OSBPL9: variants seen among roughly 807,000 people sequenced by gnomAD.
OSBPL9 encodes the protein oxysterol binding protein like 9, also known as oxysterol-binding protein-related protein 9.
In OSBPL9, 40 loss-of-function variants were observed where a neutral mutation model predicts 106.6. That is an observed-to-expected ratio of 0.38 (90% CI 0.29 to 0.49). The LOEUF (loss-of-function observed/expected upper bound fraction) is 0.49, where lower values mean the gene tolerates loss of function less well. Among genes scored for constraint, OSBPL9 ranks in the 20% least tolerant of loss-of-function variants. The probability of loss-of-function intolerance (pLI) is 0.97; values close to 1 mark genes in which losing one functional copy is unlikely to be tolerated. For missense variants in OSBPL9, 609 were observed against 887.2 expected (o/e 0.69, Z 3.98); for synonymous variants, 269 against 295.4 (o/e 0.91, Z 0.92).
the OSBPL9 span, among the ~76,000 whole-genome samples, chr1:51,552,735 C>G: frequency 6.6e-6 from 1 of 152,002 alleles, no homozygotes; most frequent in East Asian, 1.9e-4. Context: ...AGTGATTCTC[C>G]TGTCTCAGCC....
rs1297704024 is a variant in OSBPL9 at position 51,748,458 on chromosome 1, TC to T, written c.492+61del. On this transcript the variant is annotated intron_variant, in intron 7 of 23. Transcript: ENST00000428468. ...TTAGAAAATGTTTTAAAAAGTTATTTCTATTTTAAGCTGCCACTATTGATGA... is the reference window on the plus strand; with the variant it reads ...TTAGAAAATGTTTTAAAAAGTTATTTTATTTTAAGCTGCCACTATTGATGA... 5 of 1,405,226 alleles carry T rather than the reference TC, an allele frequency of 3.6e-6. No individual in the cohort carries two copies. The East Asian group carries it at 1.4e-4, about 39-fold the overall frequency. 87.0% of individuals were successfully genotyped at this position (1,405,226 alleles called of 1,614,324 possible).
chr1:51,703,442 T>C (rs180764757), intron 3 of OSBPL9, among the ~76,000 whole-genome samples: 2 of 152,326 alleles, frequency 1.3e-5, no homozygotes, highest in East Asian at 3.9e-4. Flanking sequence ...GGCTCTTTGT[T>C]TGTCTGTTAT....
At chr1:51,717,320 A>G (rs1162123707) in intron 4 of OSBPL9, among the ~76,000 whole-genome samples, 3 of 152,106 alleles carry the variant, frequency 2.0e-5, no homozygotes, top group Non-Finnish European at 4.4e-5. Context: ...ACTCCACTCC[A>G]TTGGTCTTGT....
At chr1:51,784,107 A>G (rs1436713119) in intron 18 of OSBPL9, 82 bp downstream of exon 18, 1 of 1,427,082 alleles carries the variant, frequency 7.0e-7, no homozygotes, top group Admixed American at 1.7e-5. Flanking sequence ...ATTGTTAGCA[A>G]CTAAGCATTG....
chr1:51,730,547 T>G (rs1664153773), intron 4 of OSBPL9, among the ~76,000 whole-genome samples: 2 of 152,170 alleles, frequency 1.3e-5, no homozygotes, highest in Non-Finnish European at 2.9e-5. Flanking sequence ...TTACGCTTTT[T>G]GGGTAGCTTG....
chr1:51,750,227 G>T, intron 8 of OSBPL9, 32 bp downstream of exon 8: 1 of 1,530,114 alleles, frequency 6.5e-7, no homozygotes, highest in South Asian at 1.2e-5. Flanking sequence ...TTACCTTTGT[G>T]TATGGAGTTC....
At chr1:51,604,420 GT>G (rs1486387383) in intron 2 of OSBPL9, among the ~76,000 whole-genome samples, 1 of 151,890 alleles carries the variant, frequency 6.6e-6, no homozygotes, top group Non-Finnish European at 1.5e-5. Flanking sequence ...GCCAGGCATG[GT>G]GGTGGGCGCC....
intron 2 of OSBPL9, among the ~76,000 whole-genome samples, chr1:51,608,044 A>G (rs915836521): frequency 4.6e-5 from 7 of 152,336 alleles, no homozygotes; most frequent in Admixed American, 3.9e-4. Flanking sequence ...GGCGGGCCGC[A>G]TACACTGTAT....
At chr1:51,747,364 AT>A (rs1668205724) in intron 6 of OSBPL9, among the ~76,000 whole-genome samples, 1 of 152,212 alleles carries the variant, frequency 6.6e-6, no homozygotes. Flanking sequence ...TTGGTTACAT[AT>A]GGTCACTTCA....
At chr1:51,759,111 G>GTT (rs540667193) in intron 9 of OSBPL9, among the ~76,000 whole-genome samples, 13 of 144,130 alleles carry the variant, frequency 9.0e-5, no homozygotes, top group African/African-American at 3.0e-4. Context: ...TTTCTTAGTT[G>GTT]TTTTTTTTTT....
chr1:51,620,280 A>T (rs1481982812), intron 1 of OSBPL9, among the ~76,000 whole-genome samples: 1 of 152,166 alleles, frequency 6.6e-6, no homozygotes, highest in Non-Finnish European at 1.5e-5. Flanking sequence ...GAGGAATTGG[A>T]AGTTTAGAAA....
intron 3 of OSBPL9, among the ~76,000 whole-genome samples, chr1:51,697,996 G>C (rs756402975): frequency 6.6e-6 from 1 of 151,928 alleles, no homozygotes; most frequent in African/African-American, 2.4e-5. Context: ...GTATTTTCAT[G>C]TATGTCAGGC....
At chr1:51,676,174 C>T (rs565509120) in intron 3 of OSBPL9, among the ~76,000 whole-genome samples, 1 of 152,146 alleles carries the variant, frequency 6.6e-6, no homozygotes, top group South Asian at 2.1e-4. Context: ...AATTAAGAGG[C>T]CGGGCACTTT....
At chr1:51,613,112 T>G (rs528242989), upstream of OSBPL9, among the ~76,000 whole-genome samples, 29 of 152,360 alleles carry the variant, frequency 1.9e-4, no homozygotes, top group African/African-American at 7.0e-4. Flanking sequence ...CAATAATTAT[T>G]AAGCACCTTC....
At chr1:51,653,574 A>C (rs1171669480) in intron 2 of OSBPL9, among the ~76,000 whole-genome samples, 1 of 152,186 alleles carries the variant, frequency 6.6e-6, no homozygotes, top group Non-Finnish European at 1.5e-5. Context: ...TACATCCCTT[A>C]TATGTCTCCT....
intron 15 of OSBPL9, among the ~76,000 whole-genome samples, chr1:51,778,819 CAA>C (rs1340177889): frequency 6.6e-6 from 1 of 152,102 alleles, no homozygotes. Flanking sequence ...CACTACCCAA[CAA>C]TTGTATAACA....
intron 12 of OSBPL9, 25 bp from the exon 13 acceptor site, chr1:51,772,045 A>T: frequency 1.3e-6 from 2 of 1,573,320 alleles, no homozygotes; most frequent in Non-Finnish European, 1.7e-6. Context: ...CTTTAGCTTA[A>T]ATAAGGTAAT....
chr1:51,748,383 C>A lies in OSBPL9; in HGVS notation c.477C>A (p.Leu159=). 6.6e-7 allele frequency: 1 copy of A among 1,521,966 alleles called. No individual in the cohort carries two copies. The highest frequency in any genetic ancestry group is 1.3e-5 in the South Asian group (1 of 74,888). 94.3% of individuals were successfully genotyped at this position (1,521,966 alleles called of 1,614,324 possible). Reference sequence around the variant, plus strand: ...ATTTTTCACAGAAAATTGAAACTCTCAAAGAGACAACAAATGTAAGTTATA... The same window carrying A: ...ATTTTTCACAGAAAATTGAAACTCTAAAAGAGACAACAAATGTAAGTTATA... ...EDEQRKKIET[L]KETTNSMVES... Residue 159 remains leucine (L), a synonymous_variant, in exon 7 of 24, where the codon CTC becomes CTA. Coordinates refer to ENST00000428468, the MANE Select transcript of OSBPL9 (RefSeq NM_024586.6).
chr1:51,708,096 C>T lies in OSBPL9; in HGVS notation c.242-5907C>T, dbSNP rs11809956. 1,576 of 221,520 alleles carry T rather than the reference C, an allele frequency of 7.1e-3. 18 individuals carry two copies. The highest frequency in any genetic ancestry group is 0.034 in the African/African-American group (1,483 of 43,450). 13.7% of individuals were successfully genotyped at this position (221,520 alleles called of 1,614,324 possible). A position where few individuals can be genotyped will look rare whatever the true frequency, so the allele number is the denominator to read the frequency against. ...CAGAGTTAAAAGAAGCCCTGGTGAC[C>T]AGGTGCCTAATACAGCCAAATCCGT... On this transcript the variant is annotated intron_variant, in intron 3 of 23. Transcript: ENST00000428468.
Sources: allele counts gnomAD v4.1 joint callset (sites outside exome capture counted in the v4.1 genomes callset), GRCh38; gene constraint gnomAD v4.1.1; transcripts MANE v1.5; gene names NCBI Gene and HGNC (gene_info 2026-07-23, HGNC 2026-07-21).